The following PRKDC variants were observed in gnomAD, a reference collection of about 807,000 sequenced individuals.
The protein encoded by PRKDC is DNA-dependent protein kinase catalytic subunit.
Under a neutral mutation model 486.9 loss-of-function variants are expected in PRKDC, and 82 were observed. That is an observed-to-expected ratio of 0.17 (90% confidence interval 0.14 to 0.20). The LOEUF (loss-of-function observed/expected upper bound fraction) is 0.20, where lower values mean the gene tolerates loss of function less well. Ranked by LOEUF, PRKDC falls within the 10% of genes least tolerant of loss-of-function variation. PRKDC has a pLI of 1.00. For missense variants in PRKDC, 4,504 were observed against 5,038.2 expected (o/e 0.89, Z 3.21); for synonymous variants, 1,895 against 1,837.0 (o/e 1.03, Z -0.81).
At chr8:47,829,450 T>G (rs2087813758) in intron 61 of PRKDC, among the ~76,000 whole-genome samples, 1 of 152,162 alleles carries the variant, frequency 6.6e-6, no homozygotes, top group Non-Finnish European at 1.5e-5. Context: ...TACTGTGAAA[T>G]TCTACTGATT....
chr8:47,900,711 C>T (rs1481092147), intron 27 of PRKDC, among the ~76,000 whole-genome samples: 1 of 151,754 alleles, frequency 6.6e-6, no homozygotes, highest in Non-Finnish European at 1.5e-5. Flanking sequence ...TAGCTGGGCG[C>T]GGTGGCAGGC....
rs558344542 is a variant in PRKDC at position 47,926,133 on chromosome 8, C to T, written c.2419+1061G>A. On this transcript the variant is annotated intron_variant, in intron 21 of 85. Transcript: ENST00000314191. The stretch of plus-strand genomic sequence containing the variant: ...AAATTAAATACTATAAAGATATATG[C>T]TATCAGATATATTCATTTTACTAAG... Among the ~76,000 whole-genome samples the T allele has an allele frequency of 1.2e-4, 18 of 152,184 alleles. No individual in the cohort carries two copies. The South Asian group carries it at 3.7e-3, about 32-fold the overall frequency.
chr8:47,923,989 C>CA (rs1178404912), intron 21 of PRKDC, among the ~76,000 whole-genome samples: 14 of 151,780 alleles, frequency 9.2e-5, no homozygotes, highest in Admixed American at 9.2e-4. Flanking sequence ...AACAATCAAA[C>CA]AAAAAAAACC....
intron 15 of PRKDC, 132 bp from the exon 16 acceptor site, chr8:47,933,304 G>A (rs1589802328): frequency 2.8e-6 from 2 of 712,290 alleles, no homozygotes; most frequent in Non-Finnish European, 4.2e-6. Context: ...ATAAACTGCA[G>A]CAGATTTACC....
intron 36 of PRKDC, among the ~76,000 whole-genome samples, chr8:47,882,518 C>T (rs898927749): frequency 5.3e-5 from 8 of 152,302 alleles, no homozygotes; most frequent in African/African-American, 1.9e-4. Context: ...CACAGATGTA[C>T]ACACATAAGC....
At position 47,859,778 on chromosome 8, in the gene PRKDC, GA is replaced by G; in HGVS notation, c.6059-20del. On this transcript the variant is annotated intron_variant, in intron 45 of 85. Transcript: ENST00000314191. The stretch of plus-strand genomic sequence containing the variant: ...GGACCATCTGAAATATAAAAAAGGA[GA>G]AAATTACATGTATTCAAACATAATT... 1 of 1,593,116 alleles carries G rather than the reference GA, an allele frequency of 6.3e-7. No individual in the cohort carries two copies. Among genetic ancestry groups the G allele is most frequent in the South Asian group, 1.1e-5 (1 of 89,630 alleles).
In PRKDC at chr8:47,935,849, C is replaced by G. The variant is rs1368565785; in HGVS notation, c.1330G>C (p.Asp444His). ...VLEHLVVMQI[D>H]SFPQYSPKMQ... ...TTTGGACTGTACTGTGGGAAACTGT[C>G]TATCTGCATCACCACGAGGTGCTCC... The change falls in exon 13 of 86, where the codon GAC becomes CAC. Residue 444 changes from aspartate to histidine, a missense_variant. Coordinates refer to ENST00000314191, the MANE Select transcript of PRKDC (RefSeq NM_006904.7). 8 of 1,613,862 alleles carry G rather than the reference C, an allele frequency of 5.0e-6. No individual in the cohort carries two copies. In the African/African-American group the frequency reaches 9.3e-5, roughly 19 times the overall value.
chr8:47,798,791 G>T (rs1335059053), intron 72 of PRKDC, among the ~76,000 whole-genome samples: 1 of 151,978 alleles, frequency 6.6e-6, no homozygotes, highest in African/African-American at 2.4e-5. Context: ...AGGTCATGTT[G>T]CTTAGAGAGG....
chr8:47,945,731 T>C, intron 7 of PRKDC, among the ~76,000 whole-genome samples: 1 of 144,296 alleles, frequency 6.9e-6, no homozygotes. Context: ...AATTCTATCC[T>C]TTTTTTTTGA....
chr8:47,893,088 G>A, intron 31 of PRKDC, 51 bp downstream of exon 31: 3 of 1,508,880 alleles, frequency 2.0e-6, no homozygotes, highest in East Asian at 2.4e-5. Flanking sequence ...CCACTGCCCA[G>A]GGTGACTCTG....
chr8:47,901,164 C>T (rs763131367), intron 27 of PRKDC, among the ~76,000 whole-genome samples: 7 of 93,348 alleles, frequency 7.5e-5, no homozygotes, highest in Admixed American at 3.7e-4. Context: ...AAAAAAAGGG[C>T]GGGGTGGGGG....
intron 9 of PRKDC, 119 bp downstream of exon 9, chr8:47,943,734 T>C: frequency 1.1e-6 from 1 of 897,304 alleles, no homozygotes; most frequent in Non-Finnish European, 1.7e-6. Flanking sequence ...TAAATAACTG[T>C]GTGTGAAACA....
Position 47,943,353 on chromosome 8 carries a change from T to C in PRKDC, c.822A>G (p.Leu274=), listed in dbSNP as rs974404055. Residue 274 remains leucine (L), a synonymous_variant, in exon 10 of 86, where the codon CTA becomes CTG. Transcript: ENST00000314191. Reference sequence around the variant, plus strand: ...TAAACTGAGATGCATGCAGGGCAAATAGGCGCAAGCCAGCTGCAAATGCAA... The same window carrying C: ...TAAACTGAGATGCATGCAGGGCAAACAGGCGCAAGCCAGCTGCAAATGCAA... ...RYAVPSAGLR[L]FALHASQFST... 3.7e-6 allele frequency: 6 copies of C among 1,605,372 alleles called. No homozygotes were observed. In the African/African-American group the frequency reaches 4.0e-5, roughly 11 times the overall value.
chr8:47,788,943 G>A lies in PRKDC; in HGVS notation c.10865C>T (p.Ala3622Val). The change falls in exon 76 of 86, where the codon GCT (alanine) becomes GTT (valine). Residue 3622 changes from alanine to valine, a missense_variant. Transcript: ENST00000314191. Reference sequence around the variant, plus strand: ...CCTTCTAAAGGCCCCCAGGCCTGGAGCCTTTGGGTCACCCAAGGCTGCATA... The same window carrying A: ...CCTTCTAAAGGCCCCCAGGCCTGGAACCTTTGGGTCACCCAAGGCTGCATA... ...RMYAALGDPKAPGLGAFRRKF... is the reference protein window; with the variant it reads ...RMYAALGDPKVPGLGAFRRKF... 1.2e-6 allele frequency: 2 copies of A among 1,611,594 alleles called. No individual in the cohort carries two copies. Among genetic ancestry groups the A allele is most frequent in the Non-Finnish European group, 8.5e-7 (1 of 1,179,116 alleles).
At chr8:47,902,535 C>T in intron 27 of PRKDC, 34 bp downstream of exon 27, 1 of 1,415,950 alleles carries the variant, frequency 7.1e-7, no homozygotes, top group Non-Finnish European at 9.3e-7. Context: ...TTCAAAACCA[C>T]AAGTTTCTCT....
intron 68 of PRKDC, 131 bp from the exon 69 acceptor site, chr8:47,807,457 T>G (rs2087238596): frequency 1.3e-6 from 1 of 763,504 alleles, no homozygotes; most frequent in Non-Finnish European, 1.9e-6. Context: ...CTCACTCTGT[T>G]GCCCAGGCTG....
chr8:47,855,174 A>C lies in PRKDC; in HGVS notation c.6761+48T>G, dbSNP rs2088505563. On this transcript the variant is annotated intron_variant, in intron 50 of 85. Transcript: ENST00000314191. Reference sequence around the variant, plus strand: ...GTAATCATCATTTACGACACACTACATTTTAACCTAAATTTCTAAACAATA... The same window carrying C: ...GTAATCATCATTTACGACACACTACCTTTTAACCTAAATTTCTAAACAATA... The C allele has an allele frequency of 3.4e-6, 5 of 1,479,360 alleles. No homozygotes were observed. The South Asian group carries it at 5.1e-5, about 15-fold the overall frequency. 91.6% of individuals were successfully genotyped at this position (1,479,360 alleles called of 1,614,324 possible). A position where few individuals can be genotyped will look rare whatever the true frequency, so the allele number is the denominator to read the frequency against.
intron 27 of PRKDC, 67 bp from the exon 28 acceptor site, chr8:47,900,534 G>A: frequency 1.4e-6 from 2 of 1,398,628 alleles, no homozygotes; most frequent in Non-Finnish European, 2.0e-6. Flanking sequence ...AAGAAAAGAA[G>A]GAATGGAATT....
At chr8:47,873,227 CA>C (rs60385860) in intron 40 of PRKDC, among the ~76,000 whole-genome samples, 1,306 of 71,024 alleles carry the variant, frequency 0.018, 1 homozygote, top group Non-Finnish European at 0.028. Flanking sequence ...GACTCCATCT[CA>C]AAAAAAAAAA....
Sources: gnomAD v4.1 joint callset for allele counts (sites outside exome capture counted in the v4.1 genomes callset) on GRCh38, gnomAD v4.1.1 for gene constraint, MANE v1.5 for transcripts, NCBI Gene and HGNC (gene_info 2026-07-23, HGNC 2026-07-21) for gene names.